STXBP3: variants seen among roughly 807,000 people sequenced by gnomAD.
The protein encoded by STXBP3 is syntaxin binding protein 3, also known as syntaxin-binding protein 3.
Under a neutral mutation model 85.7 loss-of-function variants are expected in STXBP3, and 41 were observed. The observed-to-expected ratio is 0.48, with a 90% CI of 0.37 to 0.62. STXBP3 has a LOEUF of 0.62. Among genes scored for constraint, STXBP3 ranks in the 20% least tolerant of loss-of-function variants. The pLI is 0.00. For synonymous variants in STXBP3, 229 were observed against 231.7 expected (o/e 0.99, Z 0.10); for missense variants, 563 against 703.1 (o/e 0.80, Z 2.25).
At chr1:108,760,768 T>G (rs1662123657) in intron 6 of STXBP3, among the ~76,000 whole-genome samples, 1 of 152,198 alleles carries the variant, frequency 6.6e-6, no homozygotes, top group African/African-American at 2.4e-5. Flanking sequence ...TCTCTGTGTT[T>G]GGATTCTAGC....
intron 11 of STXBP3, among the ~76,000 whole-genome samples, chr1:108,783,900 C>A (rs1476171629): frequency 6.6e-6 from 1 of 152,146 alleles, no homozygotes; most frequent in Admixed American, 6.6e-5. Context: ...ATTTCAATTT[C>A]TCTAATGTTC....
chr1:108,799,360 C>T (rs1663184305), intron 16 of STXBP3, among the ~76,000 whole-genome samples: 1 of 151,948 alleles, frequency 6.6e-6, no homozygotes, highest in Admixed American at 6.6e-5. Flanking sequence ...TGTTTTTAAA[C>T]ATATTCCTAA....
intron 1 of STXBP3, among the ~76,000 whole-genome samples, chr1:108,748,754 C>T (rs1306557847): frequency 6.6e-6 from 1 of 151,958 alleles, no homozygotes; most frequent in African/African-American, 2.4e-5. Context: ...ATCGCTGGAG[C>T]CTGGGAAGTT....
chr1:108,762,251 A>T (rs927300880), intron 6 of STXBP3, among the ~76,000 whole-genome samples: 1 of 152,240 alleles, frequency 6.6e-6, no homozygotes, highest in Non-Finnish European at 1.5e-5. Flanking sequence ...GACATTTTCA[A>T]AAACTGTTTC....
chr1:108,803,751 G>C (rs1427159673), intron 17 of STXBP3, among the ~76,000 whole-genome samples: 1 of 152,196 alleles, frequency 6.6e-6, no homozygotes, highest in Non-Finnish European at 1.5e-5. Flanking sequence ...CTCCCAAAGT[G>C]CTGGGATTAC....
chr1:108,782,377 G>C (rs1320026085), intron 9 of STXBP3, 45 bp from the exon 10 acceptor site: 2 of 1,369,350 alleles, frequency 1.5e-6, no homozygotes, highest in East Asian at 2.3e-5. Flanking sequence ...TTTGATTTTG[G>C]AGGGAAAAAA....
intron 11 of STXBP3, among the ~76,000 whole-genome samples, chr1:108,786,144 T>G (rs1344370616): frequency 6.6e-6 from 1 of 152,188 alleles, no homozygotes; most frequent in Non-Finnish European, 1.5e-5. Context: ...CTGGGTAATT[T>G]ATAAAGAGAT....
In STXBP3 at chr1:108,798,175, C is replaced by T. The variant is rs758503728; in HGVS notation, c.1387C>T (p.Arg463Trp). 5.0e-6 allele frequency: 8 copies of T among 1,609,804 alleles called. No homozygotes were observed. Among genetic ancestry groups the T allele is most frequent in the Non-Finnish European group, 3.4e-6 (4 of 1,178,912 alleles). ...ACAAGGCAAACCGTTAAGAAAGGAT[C>T]GGTCTGCAGAAGAAACTTTTCAGCT... is the stretch of plus-strand genomic sequence containing the variant. ...SQQGKPLRKD[R>W]SAEETFQLSR... is the part of the protein sequence containing the mutation. The change falls in exon 16 of 19, where the codon CGG becomes TGG. Residue 463 changes from arginine (R) to tryptophan (W), a missense_variant. This residue lies in a region of STXBP3 where 494 missense variants were observed against 592.8 expected (regional missense o/e 0.83). Transcript: ENST00000370008.
At position 108,796,739 on chromosome 1, in the gene STXBP3, A is replaced by C. The variant is rs1192418484; in HGVS notation, c.1356+13A>C. On this transcript the variant is annotated intron_variant, in intron 15 of 18. Transcript: ENST00000370008. ...CATTGTTCCCCAAGTAAGAAGTCTT[A>C]TGTTGTGTATATACTTTATATGTAT... is the stretch of plus-strand genomic sequence containing the variant. 3 of 1,604,670 alleles carry C rather than the reference A, an allele frequency of 1.9e-6. No individual in the cohort carries two copies. Among genetic ancestry groups the C allele is most frequent in the Middle Eastern group, 1.7e-4 (1 of 6,026 alleles).
chr1:108,752,107 G>T (rs1661917295), intron 1 of STXBP3, 150 bp from the exon 2 acceptor site: 1 of 646,516 alleles, frequency 1.5e-6, no homozygotes, highest in Non-Finnish European at 2.7e-6. Context: ...TATTAGAATT[G>T]GATTTTTCCG....
chr1:108,780,664 C>G (rs767655313), intron 9 of STXBP3: 4 of 151,580 alleles, frequency 2.6e-5, no homozygotes, highest in Non-Finnish European at 5.9e-5. Context: ...CCACCACGCC[C>G]AGCCTTCATC....
At chr1:108,785,380 A>G (rs1475312165) in intron 11 of STXBP3, among the ~76,000 whole-genome samples, 1 of 152,170 alleles carries the variant, frequency 6.6e-6, no homozygotes, top group Non-Finnish European at 1.5e-5. Flanking sequence ...ATCTGAAGCA[A>G]TGACCTGAGT....
intron 8 of STXBP3, among the ~76,000 whole-genome samples, chr1:108,777,890 C>G (rs971036854): frequency 6.6e-6 from 1 of 152,134 alleles, no homozygotes; most frequent in Non-Finnish European, 1.5e-5. Flanking sequence ...TCTGAAGATT[C>G]ATAGCTCATA....
chr1:108,796,692 A>C lies in STXBP3; in HGVS notation c.1322A>C (p.Asn441Thr). The C allele has an allele frequency of 6.2e-7, 1 of 1,613,668 alleles. No homozygotes were observed. The highest frequency in any genetic ancestry group is 8.5e-7 in the Non-Finnish European group (1 of 1,179,840). Residue 441 changes from asparagine to threonine, a missense_variant, in exon 15 of 19, where the codon AAC becomes ACC. Physicochemically the swap from Asn to Thr is moderately conservative, Grantham distance 65. This residue lies in a region of STXBP3 where 494 missense variants were observed against 592.8 expected (regional missense o/e 0.83). Transcript: ENST00000370008. ...GAAAATGAGAGTGACATGATTCGTAACTGGAGTTACCTTGGTGTTCCCATT... is the reference window on the plus strand; with the variant it reads ...GAAAATGAGAGTGACATGATTCGTACCTGGAGTTACCTTGGTGTTCCCATT... The part of the protein sequence containing the change: ...KIENESDMIR[N>T]WSYLGVPIVP...
chr1:108,767,035 A>C (rs1662278129), intron 6 of STXBP3: 3 of 445,972 alleles, frequency 6.7e-6, no homozygotes, highest in Non-Finnish European at 1.3e-5. Context: ...ACCATCACAC[A>C]GTCCACAGGT....
At position 108,798,142 on chromosome 1, in the gene STXBP3, T is replaced by C. The variant is rs767429650; in HGVS notation, c.1357-3T>C. 5.6e-6 allele frequency: 9 copies of C among 1,599,596 alleles called. No individual in the cohort carries two copies. The highest frequency in any genetic ancestry group is 1.4e-5 in the African/African-American group (1 of 73,498). ...TTTAATTTTTTTCCTCTAATTGTAT[T>C]AGTCTCAACAAGGCAAACCGTTAAG... On this transcript the variant is annotated splice_polypyrimidine_tract_variant and splice_region_variant and intron_variant, in intron 15 of 18. Transcript: ENST00000370008.
chr1:108,794,512 T>C (rs906102429), intron 12 of STXBP3, among the ~76,000 whole-genome samples: 3 of 152,140 alleles, frequency 2.0e-5, no homozygotes, highest in Non-Finnish European at 2.9e-5. Flanking sequence ...AGAACTCACT[T>C]ACTATTATGA....
chr1:108,785,912 C>A (rs1177035202), intron 11 of STXBP3, among the ~76,000 whole-genome samples: 3 of 152,170 alleles, frequency 2.0e-5, no homozygotes, highest in Non-Finnish European at 4.4e-5. Context: ...TTATCCATAT[C>A]ACTGTCAGCA....
At chr1:108,770,632 A>G (rs1662370934) in intron 6 of STXBP3, among the ~76,000 whole-genome samples, 1 of 152,184 alleles carries the variant, frequency 6.6e-6, no homozygotes, top group Non-Finnish European at 1.5e-5. Context: ...TTTGTTCATA[A>G]TTCATTACTT....
Sources: gnomAD v4.1 joint callset for allele counts (sites outside exome capture counted in the v4.1 genomes callset) on GRCh38, gnomAD v4.1.1 for gene constraint, gnomAD v4.1.1 regional missense constraint, MANE v1.5 for transcripts, NCBI Gene and HGNC (gene_info 2026-07-23, HGNC 2026-07-21) for gene names.